DPP6: variants seen among roughly 807,000 people sequenced by gnomAD.
DPP6 encodes the protein A-type potassium channel modulatory protein DPP6.
In DPP6, 69 loss-of-function variants were observed where a neutral mutation model predicts 122.6. That is an observed-to-expected ratio of 0.56 (90% CI 0.46 to 0.69). The LOEUF is 0.69. DPP6 is among the 30% of genes least tolerant of loss of function. The pLI is 0.00. For missense variants in DPP6, 928 were observed against 1,116.9 expected (o/e 0.83, Z 2.41); for synonymous variants, 418 against 433.1 (o/e 0.97, Z 0.43).
rs567117540 is a variant in DPP6, at chr7:154,683,415, C to T, written c.762+13974C>T. ...TCAGCCAAATTCTTGACTCCCCTTC[C>T]TCCCCCACCGGCTTGATCCACTATA... On this transcript the variant is annotated intron_variant, in intron 7 of 25. Transcript: ENST00000377770. Among the ~76,000 whole-genome samples, 3 of 152,310 alleles carry T rather than the reference C, an allele frequency of 2.0e-5. No individual in the cohort carries two copies. In the East Asian group the frequency reaches 5.8e-4, roughly 29 times the overall value.
intron 1 of DPP6, among the ~76,000 whole-genome samples, chr7:154,081,963 A>G (rs1308067322): frequency 2.0e-5 from 3 of 152,152 alleles, no homozygotes; most frequent in African/African-American, 7.2e-5. Context: ...ACGTCTCCCT[A>G]CTGATTCATA....
chr7:154,244,241 G>T (rs555943808), intron 1 of DPP6, among the ~76,000 whole-genome samples: 47 of 152,092 alleles, frequency 3.1e-4, no homozygotes, highest in Middle Eastern at 3.4e-3. Context: ...ATTTTAGAGT[G>T]CCAAAAGAAG....
rs375419005 is a variant in DPP6, at chr7:154,892,886, A to G, written c.*406A>G. The G allele has an allele frequency of 1.5e-4, 80 of 528,652 alleles. No homozygotes were observed. The highest frequency in any genetic ancestry group is 1.2e-3 in the African/African-American group (64 of 52,382). The allele number at this position is 528,652 out of a possible 1,614,324, so 32.7% of individuals were successfully genotyped here. On this transcript the variant is annotated 3_prime_UTR_variant, in exon 26 of 26. Coordinates refer to ENST00000377770, the MANE Select transcript of DPP6 (RefSeq NM_130797.4). ...TAGCCTCTGTGTTCCCGTTAGGGAC[A>G]TCACACCCTGTCTCACGTCGCAGTG...
At chr7:154,276,321 T>C (rs1804125494) in intron 1 of DPP6, among the ~76,000 whole-genome samples, 1 of 152,232 alleles carries the variant, frequency 6.6e-6, no homozygotes, top group African/African-American at 2.4e-5. Flanking sequence ...TGCTACTTGA[T>C]GTTAATGCCC....
intron 1 of DPP6, among the ~76,000 whole-genome samples, chr7:153,935,716 C>G (rs958228099): frequency 6.6e-6 from 1 of 152,342 alleles, no homozygotes; most frequent in Admixed American, 6.5e-5. Flanking sequence ...CCTGGGCTCA[C>G]AGCCTGGCTC....
chr7:154,400,266 C>T (rs1440130348), intron 1 of DPP6, among the ~76,000 whole-genome samples: 1 of 152,198 alleles, frequency 6.6e-6, no homozygotes, highest in Non-Finnish European at 1.5e-5. Flanking sequence ...TGGCTGGAAG[C>T]ATAAACACAG....
intron 2 of DPP6, among the ~76,000 whole-genome samples, chr7:154,469,218 T>C (rs2151333570): frequency 6.6e-6 from 1 of 151,558 alleles, no homozygotes. Context: ...CACACACACA[T>C]TGTAAAGAGG....
intron 4 of DPP6, among the ~76,000 whole-genome samples, chr7:154,557,148 G>T (rs1009936958): frequency 1.3e-5 from 2 of 152,106 alleles, no homozygotes; most frequent in African/African-American, 4.8e-5. Context: ...GCACCCATCG[G>T]GGGCATCCAA....
chr7:154,774,289 A>T (rs1796434773), intron 10 of DPP6, among the ~76,000 whole-genome samples: 1 of 152,132 alleles, frequency 6.6e-6, no homozygotes, highest in Non-Finnish European at 1.5e-5. Context: ...TAAAAAAAAA[A>T]GTTCAGATGA....
chr7:154,746,553 GATT>G (rs1843046136), intron 8 of DPP6, among the ~76,000 whole-genome samples: 2 of 152,098 alleles, frequency 1.3e-5, no homozygotes. Flanking sequence ...TTCTATCTGG[GATT>G]ATTTTGTTCA....
chr7:153,984,418 AGGC>A (rs1171674786), intron 1 of DPP6, among the ~76,000 whole-genome samples: 1 of 152,234 alleles, frequency 6.6e-6, no homozygotes, highest in African/African-American at 2.4e-5. Context: ...CCCAAAATGA[AGGC>A]ATCAGGGGGC....
intron 1 of DPP6, among the ~76,000 whole-genome samples, chr7:154,016,200 G>T (rs1198090193): frequency 6.6e-6 from 1 of 151,992 alleles, no homozygotes; most frequent in African/African-American, 2.4e-5. Flanking sequence ...CAATCTCTTT[G>T]TCTTGTTTTA....
intron 3 of DPP6, among the ~76,000 whole-genome samples, chr7:154,538,327 C>A (rs1828435362): frequency 6.6e-6 from 1 of 152,040 alleles, no homozygotes; most frequent in South Asian, 2.1e-4. Context: ...TTTGCTGCAC[C>A]TATCAACCCA....
the DPP6 span, among the ~76,000 whole-genome samples, chr7:153,837,585 A>G: frequency 2.0e-5 from 3 of 152,212 alleles, no homozygotes; most frequent in Non-Finnish European, 4.4e-5. Context: ...TATACTTTTC[A>G]ATGCTAATAC....
intron 4 of DPP6, among the ~76,000 whole-genome samples, chr7:154,553,024 C>T (rs777328828): frequency 6.6e-6 from 1 of 152,184 alleles, no homozygotes; most frequent in African/African-American, 2.4e-5. Context: ...AGACCTTCCC[C>T]CAGGTGGGTT....
chr7:153,801,487 C>T, the DPP6 span, among the ~76,000 whole-genome samples: 1 of 152,128 alleles, frequency 6.6e-6, no homozygotes, highest in Non-Finnish European at 1.5e-5. Context: ...CTCTGGGTCA[C>T]TGGTCAAGCT....
chr7:154,537,440 T>C (rs1419805991), intron 3 of DPP6, among the ~76,000 whole-genome samples: 5 of 152,190 alleles, frequency 3.3e-5, no homozygotes, highest in Non-Finnish European at 7.3e-5. Flanking sequence ...TCATTCACTA[T>C]TGGTGCCTGT....
chr7:154,151,421 A>G (rs60174925), intron 1 of DPP6, among the ~76,000 whole-genome samples: 7,778 of 152,068 alleles, frequency 0.051, 628 homozygotes, highest in African/African-American at 0.18. Context: ...GCCTGTGACC[A>G]GCAATACTGT....
chr7:154,741,033 C>G (rs1842795503), intron 8 of DPP6, among the ~76,000 whole-genome samples: 1 of 152,194 alleles, frequency 6.6e-6, no homozygotes, highest in Admixed American at 6.5e-5. Flanking sequence ...CACGTCAGAG[C>G]TCCCTGCACT....
Sources: allele counts gnomAD v4.1 joint callset (sites outside exome capture counted in the v4.1 genomes callset), GRCh38; gene constraint gnomAD v4.1.1; transcripts MANE v1.5; gene names NCBI Gene and HGNC (gene_info 2026-07-23, HGNC 2026-07-21).